ZNF729: variants seen among roughly 807,000 people sequenced by gnomAD.
ZNF729 encodes the protein zinc finger protein 729.
A neutral mutation model predicts 12.2 loss-of-function variants in ZNF729; 15 were observed. The ratio of observed to expected loss-of-function variants is 1.23; its 90% CI spans 0.82 to 1.89. The LOEUF is 1.89. Ranked by LOEUF, ZNF729 falls within the 40% of genes most tolerant of loss-of-function variation. The probability of loss-of-function intolerance (pLI) is 0.00; values close to 1 mark genes in which losing one functional copy is unlikely to be tolerated. For missense variants in ZNF729, 1,540 were observed against 1,456.7 expected, an observed-to-expected ratio of 1.06 and a Z score of -0.93; for synonymous variants, 492 against 476.3, an observed-to-expected ratio of 1.03 and a Z score of -0.43.
chr19:22,286,503 G>GCATTT lies in ZNF729; in HGVS notation c.-19_-18insTCATT. The GCATTT allele has an allele frequency of 6.2e-7, 1 of 1,613,260 alleles. No homozygotes were observed. The highest frequency in any genetic ancestry group is 8.5e-7 in the Non-Finnish European group (1 of 1,179,932). On this transcript the variant is annotated 5_prime_UTR_variant, in exon 1 of 4. Transcript: ENST00000601693. ...AGCCTCTGTGGCCCTGTAACCTGCG[G>GCATTT]CATTGGAAGATCCACAGCTAACATG...
intron 3 of ZNF729, among the ~76,000 whole-genome samples, chr19:22,310,826 CTT>C (rs71180593): frequency 6.6e-6 from 1 of 152,002 alleles, no homozygotes; most frequent in Non-Finnish European, 1.5e-5. Context: ...TGGTCCTAGA[CTT>C]TTTTTGTGGA....
intron 1 of ZNF729, among the ~76,000 whole-genome samples, chr19:22,303,250 T>A (rs1314328902): frequency 6.7e-6 from 1 of 150,224 alleles, no homozygotes; most frequent in Non-Finnish European, 1.5e-5. Context: ...GCTGAATGTT[T>A]GACAAAAGAT....
At chr19:22,297,678 G>T (rs1968246771) in intron 1 of ZNF729, among the ~76,000 whole-genome samples, 1 of 151,378 alleles carries the variant, frequency 6.6e-6, no homozygotes, top group African/African-American at 2.4e-5. Flanking sequence ...CTTTAAAGGA[G>T]ACAAAGATTT....
rs146290563 is a variant in ZNF729 at position 22,311,725 on chromosome 19, T to G, written c.254-1946T>G. Among the ~76,000 whole-genome samples, 650 of 152,326 alleles carry G rather than the reference T, an allele frequency of 4.3e-3. 3 individuals carry two copies. Among genetic ancestry groups the G allele is most frequent in the African/African-American group, 0.015 (629 of 41,592 alleles). On this transcript the variant is annotated intron_variant, in intron 3 of 3. Coordinates refer to ENST00000601693, the MANE Select transcript of ZNF729 (RefSeq NM_001242680.2). ...TAAGTCCATTTGCTCCAAGGTATAGTTTAAATCCATTGTTTATTTGTTGAC... is the reference window on the plus strand; with the variant it reads ...TAAGTCCATTTGCTCCAAGGTATAGGTTAAATCCATTGTTTATTTGTTGAC...
In ZNF729 at chr19:22,314,445, C is replaced by T. The variant is rs1968494799; in HGVS notation, c.1028C>T (p.Thr343Ile). Residue 343 changes from threonine to isoleucine, a missense_variant, in exon 4 of 4, where the codon ACT (threonine) becomes ATT (isoleucine). By Grantham distance (89) the Thr-to-Ile change is moderately conservative (BLOSUM62 -1). Coordinates refer to ENST00000601693, the MANE Select transcript of ZNF729 (RefSeq NM_001242680.2). ...CTTAGAAAACATAAGATAATTCATA[C>T]TGGAAAGAAACCCTACAAGCGTGAA... ...SALRKHKIIH[T>I]GKKPYKREEC... The T allele has an allele frequency of 6.2e-7, 1 of 1,601,286 alleles. No homozygotes were observed. The highest frequency in any genetic ancestry group is 8.5e-7 in the Non-Finnish European group (1 of 1,173,730).
intron 1 of ZNF729, among the ~76,000 whole-genome samples, chr19:22,293,303 A>G (rs888897712): frequency 6.6e-6 from 1 of 152,028 alleles, no homozygotes; most frequent in Non-Finnish European, 1.5e-5. Context: ...CTCCTGCCTC[A>G]GCCTCCTGAG....
intron 3 of ZNF729, among the ~76,000 whole-genome samples, chr19:22,308,489 A>G (rs1044692436): frequency 2.6e-5 from 4 of 152,040 alleles, no homozygotes; most frequent in Non-Finnish European, 5.9e-5. Flanking sequence ...TTCCATCAGC[A>G]GTGTAGAAGT....
intron 3 of ZNF729, among the ~76,000 whole-genome samples, chr19:22,309,270 C>T (rs1264429138): frequency 3.9e-5 from 6 of 152,144 alleles, no homozygotes; most frequent in Admixed American, 3.9e-4. Flanking sequence ...GGTGGTGAAA[C>T]CCCATCTCTA....
Position 22,316,958 on chromosome 19 carries a change from A to G in ZNF729, c.3541A>G (p.Ile1181Val), listed in dbSNP as rs773191730. The change falls in exon 4 of 4, where the codon ATT becomes GTT. Residue 1181 changes from isoleucine (I) to valine (V), a missense_variant. By Grantham distance (29) the Ile-to-Val change is conservative. Coordinates refer to ENST00000601693, the MANE Select transcript of ZNF729 (RefSeq NM_001242680.2). ...CTCACACCTTACTAGACACAAAACA[A>G]TTCATACTGGAGAGAAACCCTACAA... is the stretch of plus-strand genomic sequence containing the variant. ...QSSHLTRHKTIHTGEKPYKCE... is the reference protein window; with the variant it reads ...QSSHLTRHKTVHTGEKPYKCE... The G allele has an allele frequency of 1.1e-5, 18 of 1,613,004 alleles. No homozygotes were observed. Among genetic ancestry groups the G allele is most frequent in the Admixed American group, 5.0e-5 (3 of 59,996 alleles).
chr19:22,292,695 C>G (rs1968171377), intron 1 of ZNF729, among the ~76,000 whole-genome samples: 1 of 152,134 alleles, frequency 6.6e-6, no homozygotes, highest in Non-Finnish European at 1.5e-5. Context: ...CCTGCCTCGG[C>G]CTCCCAGAGT....
At chr19:22,288,891 C>A (rs1968115866) in intron 1 of ZNF729, among the ~76,000 whole-genome samples, 1 of 152,044 alleles carries the variant, frequency 6.6e-6, no homozygotes, top group African/African-American at 2.4e-5. Context: ...AAACAGTGAT[C>A]CAGTGAGATG....
intron 3 of ZNF729, among the ~76,000 whole-genome samples, chr19:22,309,923 C>T (rs1968430630): frequency 6.6e-6 from 1 of 150,522 alleles, no homozygotes; most frequent in Non-Finnish European, 1.5e-5. Context: ...GATCTTTTAC[C>T]TCCTTGGTTA....
chr19:22,317,133 G>A lies in ZNF729; in HGVS notation c.3716G>A (p.Gly1239Glu). 6.2e-7 allele frequency: 1 copy of A among 1,601,422 alleles called. No individual in the cohort carries two copies. Among genetic ancestry groups the A allele is most frequent in the Non-Finnish European group, 8.5e-7 (1 of 1,174,438 alleles). The change falls in exon 4 of 4, where the codon GGA becomes GAA. Residue 1239 changes from glycine to glutamate, a missense_variant. By Grantham distance (98) the Gly-to-Glu change is moderately conservative. Transcript: ENST00000601693. ...HTLLDKTIHT[G>E]EKPYKCEECA... is the part of the protein sequence containing the mutation. ...TTACTAGACAAAACAATTCATACTG[G>A]AGAGAAACCCTACAAATGTGAAGAA...
chr19:22,312,593 A>G lies in ZNF729; in HGVS notation c.254-1078A>G, dbSNP rs1012730697. On this transcript the variant is annotated intron_variant, in intron 3 of 3. Transcript: ENST00000601693. Reference sequence around the variant, plus strand: ...TGTAACATCTAACTTTGGTCTCAGCAGACTCAAGCTGTCATTTTAAAGTAT... The same window carrying G: ...TGTAACATCTAACTTTGGTCTCAGCGGACTCAAGCTGTCATTTTAAAGTAT... Among the ~76,000 whole-genome samples, 50 of 152,296 alleles carry G rather than the reference A, an allele frequency of 3.3e-4. 1 individual carries two copies. Among genetic ancestry groups the G allele is most frequent in the African/African-American group, 8.4e-4 (35 of 41,550 alleles).
At chr19:22,310,090 T>G (rs1568575753) in intron 3 of ZNF729, among the ~76,000 whole-genome samples, 2 of 152,152 alleles carry the variant, frequency 1.3e-5, no homozygotes, top group Non-Finnish European at 2.9e-5. Flanking sequence ...CTGAATTATT[T>G]TATCATTTCT....
At position 22,314,415 on chromosome 19, in the gene ZNF729, C is replaced by T. The variant is rs772313755; in HGVS notation, c.998C>T (p.Ser333Leu). Residue 333 changes from serine (S) to leucine (L), a missense_variant, in exon 4 of 4, where the codon TCA becomes TTA. Transcript: ENST00000601693. ...EDCGKTFNHF[S>L]ALRKHKIIHT... The stretch of plus-strand genomic sequence containing the variant: ...TGTGGCAAAACTTTTAACCATTTCT[C>T]AGCCCTTAGAAAACATAAGATAATT... The T allele has an allele frequency of 4.4e-6, 7 of 1,591,064 alleles. No homozygotes were observed. The highest frequency in any genetic ancestry group is 2.2e-5 in the East Asian group (1 of 44,532).
chr19:22,301,439 T>C (rs1968302914), intron 1 of ZNF729, among the ~76,000 whole-genome samples: 1 of 152,204 alleles, frequency 6.6e-6, no homozygotes, highest in Non-Finnish European at 1.5e-5. Flanking sequence ...GATCTCTCCT[T>C]TGATTGTACT....
intron 3 of ZNF729, among the ~76,000 whole-genome samples, chr19:22,311,104 G>T (rs984718547): frequency 2.6e-5 from 4 of 151,974 alleles, no homozygotes; most frequent in African/African-American, 9.6e-5. Flanking sequence ...CTTGCTTATG[G>T]TCTGTCAATT....
At chr19:22,295,974 G>C (rs1316035171) in intron 1 of ZNF729, among the ~76,000 whole-genome samples, 4 of 152,128 alleles carry the variant, frequency 2.6e-5, no homozygotes, top group Non-Finnish European at 5.9e-5. Context: ...CAGGGATAAA[G>C]CCTACTTGAT....
Sources: allele counts gnomAD v4.1 joint callset (sites outside exome capture counted in the v4.1 genomes callset), GRCh38; gene constraint gnomAD v4.1.1; transcripts MANE v1.5; gene names NCBI Gene and HGNC (gene_info 2026-07-23, HGNC 2026-07-21).